BCKDHB: variants seen among roughly 807,000 people sequenced by gnomAD.
The protein encoded by BCKDHB is 2-oxoisovalerate dehydrogenase subunit beta, mitochondrial.
A neutral mutation model predicts 48.5 loss-of-function variants in BCKDHB; 41 were observed. The observed-to-expected ratio is 0.85, with a 90% confidence interval of 0.66 to 1.10. The LOEUF is 1.10. Ranked by LOEUF, BCKDHB falls within the 50% of genes least tolerant of loss-of-function variation. The pLI is 0.00. For synonymous variants in BCKDHB, 201 were observed against 174.8 expected, an observed-to-expected ratio of 1.15 and a Z score of -1.18; for missense variants, 496 against 494.2, an observed-to-expected ratio of 1.00 and a Z score of -0.03.
At chr6:80,171,907 C>T (rs1772937378) in intron 6 of BCKDHB, among the ~76,000 whole-genome samples, 1 of 152,066 alleles carries the variant, frequency 6.6e-6, no homozygotes, top group Non-Finnish European at 1.5e-5. Flanking sequence ...TATAAACATA[C>T]ATCTGTGACT....
At chr6:80,390,145 C>G in the BCKDHB span, among the ~76,000 whole-genome samples, 1 of 152,148 alleles carries the variant, frequency 6.6e-6, no homozygotes. Flanking sequence ...TGAAATCAGT[C>G]TATTACTCCA....
intron 3 of BCKDHB, among the ~76,000 whole-genome samples, chr6:80,146,323 A>G (rs534220291): frequency 6.6e-6 from 1 of 152,330 alleles, no homozygotes; most frequent in East Asian, 1.9e-4. Context: ...ACAATATAAA[A>G]TGATAAAAAT....
intron 3 of BCKDHB, 60 bp from the exon 4 acceptor site, chr6:80,167,618 T>C: frequency 6.8e-7 from 1 of 1,479,336 alleles, no homozygotes; most frequent in Admixed American, 1.7e-5. Flanking sequence ...TTTTTAAATG[T>C]ATTATGCATG....
At chr6:80,309,849 C>G (rs766755839) in intron 9 of BCKDHB, among the ~76,000 whole-genome samples, 8 of 152,162 alleles carry the variant, frequency 5.3e-5, no homozygotes, top group Non-Finnish European at 8.8e-5. Flanking sequence ...CATCTTCACC[C>G]TCCTGCCAAC....
At chr6:80,247,027 A>G (rs1313764575) in intron 8 of BCKDHB, among the ~76,000 whole-genome samples, 5 of 152,174 alleles carry the variant, frequency 3.3e-5, no homozygotes, top group African/African-American at 1.2e-4. Flanking sequence ...CTGCTTTAAT[A>G]TTCTCCTTTT....
the BCKDHB span, among the ~76,000 whole-genome samples, chr6:80,423,402 T>A: frequency 1.3e-5 from 2 of 152,228 alleles, no homozygotes; most frequent in Admixed American, 6.5e-5. Context: ...TAGTCTGTGA[T>A]TGGTTGAGAA....
the BCKDHB span, among the ~76,000 whole-genome samples, chr6:80,458,257 A>G: frequency 8.5e-5 from 13 of 152,244 alleles, no homozygotes; most frequent in African/African-American, 3.1e-4. Flanking sequence ...GAAGAAATGC[A>G]TAATAAATCA....
At chr6:80,183,929 A>C (rs954346481) in intron 6 of BCKDHB, among the ~76,000 whole-genome samples, 4 of 152,240 alleles carry the variant, frequency 2.6e-5, no homozygotes, top group African/African-American at 9.6e-5. Flanking sequence ...ACTCATTTCT[A>C]TTTAATGCTG....
At chr6:80,422,737 G>A in the BCKDHB span, among the ~76,000 whole-genome samples, 11 of 152,150 alleles carry the variant, frequency 7.2e-5, no homozygotes, top group African/African-American at 2.7e-4. Context: ...AGGGATGGTG[G>A]CCTCTTTGTT....
chr6:80,356,956 C>CT, the BCKDHB span: 2 of 118,266 alleles, frequency 1.7e-5, no homozygotes, highest in Non-Finnish European at 3.5e-5. Context: ...GCCCCCGCCC[C>CT]CCCCCCACAC....
rs3805917 is a variant in BCKDHB, at chr6:80,202,304, T to G, written c.841-798T>G. On this transcript the variant is annotated intron_variant, in intron 7 of 9. Coordinates refer to ENST00000320393, the MANE Select transcript of BCKDHB (RefSeq NM_183050.4). Reference sequence around the variant, plus strand: ...GGACTGTAGTCTATTAGCTAGTCCATCTCTCTCCTGCATCTTCAGTTTTCC... The same window carrying G: ...GGACTGTAGTCTATTAGCTAGTCCAGCTCTCTCCTGCATCTTCAGTTTTCC... 1.8e-3 allele frequency among the ~76,000 whole-genome samples: 275 copies of G among 152,240 alleles called. 6 individuals are homozygous for G. The East Asian group carries it at 0.051, about 28-fold the overall frequency.
At chr6:80,280,321 G>C in intron 9 of BCKDHB, among the ~76,000 whole-genome samples, 1 of 152,158 alleles carries the variant, frequency 6.6e-6, no homozygotes. Context: ...AAGAATATAA[G>C]TGAAGAATTT....
chr6:80,325,281 G>T (rs1464538215), intron 9 of BCKDHB, among the ~76,000 whole-genome samples: 2 of 152,080 alleles, frequency 1.3e-5, no homozygotes, highest in African/African-American at 4.8e-5. Context: ...ACTTCACATT[G>T]TTGATGTTGT....
downstream of BCKDHB, among the ~76,000 whole-genome samples, chr6:80,348,675 C>T (rs976248677): frequency 6.6e-6 from 1 of 152,212 alleles, no homozygotes; most frequent in African/African-American, 2.4e-5. Flanking sequence ...GAATCTACAA[C>T]TGATAGCTGC....
chr6:80,351,248 G>C (rs1050561746), downstream of BCKDHB, among the ~76,000 whole-genome samples: 1 of 152,136 alleles, frequency 6.6e-6, no homozygotes, highest in Non-Finnish European at 1.5e-5. Context: ...ATAGTCTTCA[G>C]ATAGATTTCA....
At chr6:80,361,352 TGTGCAG>T in the BCKDHB span, among the ~76,000 whole-genome samples, 1 of 152,158 alleles carries the variant, frequency 6.6e-6, no homozygotes, top group Non-Finnish European at 1.5e-5. Context: ...TGGGACAGAG[TGTGCAG>T]GTGCACTGCA....
the BCKDHB span, among the ~76,000 whole-genome samples, chr6:80,446,936 C>T: frequency 1.3e-5 from 2 of 151,858 alleles, no homozygotes; most frequent in Non-Finnish European, 2.9e-5. Context: ...TATGGTCAAG[C>T]TGACCTTAGA....
chr6:80,403,933 G>A, the BCKDHB span, among the ~76,000 whole-genome samples: 2 of 152,100 alleles, frequency 1.3e-5, no homozygotes, highest in African/African-American at 4.8e-5. Flanking sequence ...AATGCCACCT[G>A]ATCATGGTGT....
the BCKDHB span, among the ~76,000 whole-genome samples, chr6:80,433,775 A>T: frequency 7.5e-4 from 114 of 151,950 alleles, no homozygotes; most frequent in African/African-American, 2.5e-3. Flanking sequence ...AAGATTTTTT[A>T]AAAAACACTG....
Sources: allele counts gnomAD v4.1 joint callset (sites outside exome capture counted in the v4.1 genomes callset), GRCh38; gene constraint gnomAD v4.1.1; transcripts MANE v1.5; gene names NCBI Gene and HGNC (gene_info 2026-07-23, HGNC 2026-07-21).